Variants in HSD11B1L observed in about 807,000 individuals in gnomAD.
HSD11B1L encodes hydroxysteroid 11-beta dehydrogenase 1 like.
Under a neutral mutation model 27.0 loss-of-function variants are expected in HSD11B1L, and 22 were observed. That is an observed-to-expected ratio of 0.81 (90% confidence interval 0.58 to 1.16). The LOEUF is 1.16. HSD11B1L is among the 50% of genes most tolerant of loss of function. HSD11B1L has a pLI of 0.00. For missense variants in HSD11B1L, 372 were observed against 401.8 expected (o/e 0.93, Z 0.63); for synonymous variants, 187 against 189.2 (o/e 0.99, Z 0.09).
Position 5,686,413 on chromosome 19 carries a change from C to G in HSD11B1L, c.205-3C>G. 6.4e-7 allele frequency: 1 copy of G among 1,562,220 alleles called. No individual in the cohort carries two copies. Among genetic ancestry groups the G allele is most frequent in the East Asian group, 2.3e-5 (1 of 42,932 alleles). The stretch of plus-strand genomic sequence containing the variant: ...GCCCACGGGCAGCTCTGGCCCCCCC[C>G]AGGTGGTAGGGAACTGCCGGAAGCT... On this transcript the variant is annotated splice_polypyrimidine_tract_variant and splice_region_variant and intron_variant, in intron 3 of 7. Coordinates refer to ENST00000339423, the MANE Select transcript of HSD11B1L (RefSeq NM_198706.3).
At chr19:5,684,231 G>C (rs1480700634) in intron 1 of HSD11B1L, 1 of 340,202 alleles carries the variant, frequency 2.9e-6, no homozygotes, top group Admixed American at 4.8e-5. Context: ...GGCCAGGCTG[G>C]TCTCGAACTC....
At chr19:5,684,705 G>A (rs772161518) in intron 1 of HSD11B1L, 114 bp from the exon 2 acceptor site, 413 of 1,538,248 alleles carry the variant, frequency 2.7e-4, no homozygotes, top group Middle Eastern at 1.1e-3. Flanking sequence ...GGTGGCTGTG[G>A]AGGTGGATAG....
rs56023917 is a variant in HSD11B1L at position 5,685,746 on chromosome 19, G to GA, written c.204+638dup. On this transcript the variant is annotated intron_variant, in intron 3 of 7. Transcript: ENST00000339423. The surrounding 1 kb of genome is among the most constrained non-coding windows in gnomAD (Gnocchi z 4.3). ...GAGCGATACTCCATCTCAAAAAAAA[G>GA]AAAAAAAAAAATTAGGGCATGGTGG... Among the ~76,000 whole-genome samples the GA allele has an allele frequency of 8.3e-4, 118 of 141,498 alleles. No homozygotes were observed. The highest frequency in any genetic ancestry group is 5.4e-3 in the Admixed American group (77 of 14,276). The allele number at this position is 141,498 out of a possible 152,430, so 92.8% of individuals were successfully genotyped here. A position where few individuals can be genotyped will look rare whatever the true frequency, so the allele number is the denominator to read the frequency against.
Position 5,687,699 on chromosome 19 carries a change from G to T in HSD11B1L, c.668+31G>T. Reference sequence around the variant, plus strand: ...GCCCGGACAAGCTGGGGGCTGGGCTGGGGGCCATGGCCCAGCCCCAGCCGC... The same window carrying T: ...GCCCGGACAAGCTGGGGGCTGGGCTTGGGGCCATGGCCCAGCCCCAGCCGC... On this transcript the variant is annotated intron_variant, in intron 7 of 7. Transcript: ENST00000339423. The surrounding 1 kb of genome is among the most constrained non-coding windows in gnomAD (Gnocchi z 6.6). 1 of 1,531,420 alleles carries T rather than the reference G, an allele frequency of 6.5e-7. No homozygotes were observed. The highest frequency in any genetic ancestry group is 8.7e-7 in the Non-Finnish European group (1 of 1,147,606). 94.9% of individuals were successfully genotyped at this position (1,531,420 alleles called of 1,614,324 possible).
rs988133469 is a variant in HSD11B1L, at chr19:5,687,104, C to G, written c.408+113C>G. The G allele has an allele frequency of 2.6e-6, 3 of 1,139,932 alleles. No individual in the cohort carries two copies. Among genetic ancestry groups the G allele is most frequent in the Non-Finnish European group, 3.7e-6 (3 of 802,220 alleles). The allele number at this position is 1,139,932 out of a possible 1,614,324, so 70.6% of individuals were successfully genotyped here. Reference sequence around the variant, plus strand: ...CAGGGAGGGCTCTCCACCCGTCCCGCCCCAGCCACGCCCCTCCTAGCCCAA... The same window carrying G: ...CAGGGAGGGCTCTCCACCCGTCCCGGCCCAGCCACGCCCCTCCTAGCCCAA... On this transcript the variant is annotated intron_variant, in intron 5 of 7. Transcript: ENST00000339423. The surrounding 1 kb of genome is among the most constrained non-coding windows in gnomAD (Gnocchi z 6.6).
In HSD11B1L at chr19:5,685,151, G is replaced by A. The variant is rs1429812225; in HGVS notation, c.204+32G>A. On this transcript the variant is annotated intron_variant, in intron 3 of 7. Transcript: ENST00000339423. This position sits in a 1 kb window ranked among gnomAD's most constrained non-coding sequence, Gnocchi z 4.3. ...CACCCCATGTCTAGATGAATGGTGGGGGTGCTCATGGGGGGTGGGAAGAGA... is the reference window on the plus strand; with the variant it reads ...CACCCCATGTCTAGATGAATGGTGGAGGTGCTCATGGGGGGTGGGAAGAGA... 1.3e-6 allele frequency: 2 copies of A among 1,539,782 alleles called. No individual in the cohort carries two copies. Among genetic ancestry groups the A allele is most frequent in the Non-Finnish European group, 8.7e-7 (1 of 1,146,676 alleles).
chr19:5,686,450 A>G lies in HSD11B1L; in HGVS notation c.239A>G (p.Lys80Arg), dbSNP rs1346961542. The G allele has an allele frequency of 1.9e-6, 3 of 1,585,372 alleles. No individual in the cohort carries two copies. Among genetic ancestry groups the G allele is most frequent in the African/African-American group, 2.7e-5 (2 of 74,772 alleles). Residue 80 changes from lysine (K) to arginine (R), a missense_variant, in exon 4 of 8, where the codon AAG becomes AGG. By Grantham distance (26) the Lys-to-Arg change is conservative (BLOSUM62 2). Coordinates refer to ENST00000339423, the MANE Select transcript of HSD11B1L (RefSeq NM_198706.3). ...AACTGCCGGAAGCTGGGCGCCCCCA[A>G]GGTCTTCTACATCGCGGCGGACATG... is the stretch of plus-strand genomic sequence containing the variant. ...VGNCRKLGAPKVFYIAADMAS... is the reference protein window; with the variant it reads ...VGNCRKLGAPRVFYIAADMAS...
chr19:5,684,941 C>T lies in HSD11B1L; in HGVS notation c.73+36C>T, dbSNP rs535484799. The T allele has an allele frequency of 1.6e-5, 25 of 1,612,626 alleles. No homozygotes were observed. In the East Asian group the frequency reaches 4.9e-4, roughly 32 times the overall value. ...GGGGTTGAGGGAGGGAGAAACCGGG[C>T]CAGCTGTCCTGTCCTCCGCCCAGAG... is the stretch of plus-strand genomic sequence containing the variant. On this transcript the variant is annotated intron_variant, in intron 2 of 7. Transcript: ENST00000339423.
At chr19:5,684,595 C>T (rs541728402) in intron 1 of HSD11B1L, among the ~76,000 whole-genome samples, 1 of 151,398 alleles carries the variant, frequency 6.6e-6, no homozygotes, top group Admixed American at 6.6e-5. Context: ...GCAAGGTGTG[C>T]AGATGGAGAG....
rs1017587696 is a variant in HSD11B1L, at chr19:5,685,923, C to G, written c.205-493C>G. ...TGTCTCAAACAAACAAACAAAAAAACCCACCTTCTCATGGGTTAGGATGTT... is the reference window on the plus strand; with the variant it reads ...TGTCTCAAACAAACAAACAAAAAAAGCCACCTTCTCATGGGTTAGGATGTT... On this transcript the variant is annotated intron_variant, in intron 3 of 7. Transcript: ENST00000339423. The surrounding 1 kb of genome is among the most constrained non-coding windows in gnomAD (Gnocchi z 4.3). Among the ~76,000 whole-genome samples the G allele has an allele frequency of 6.6e-6, 1 of 152,038 alleles. No individual in the cohort carries two copies. Among genetic ancestry groups the G allele is most frequent in the Non-Finnish European group, 1.5e-5 (1 of 67,992 alleles).
At position 5,684,906 on chromosome 19, in the gene HSD11B1L, G is replaced by C; in HGVS notation, c.73+1G>C. ...TATTGGGATGACAACTTCGACCCAG[G>C]TGAGCACCTGGGGTTGAGGGAGGGA... On this transcript the variant is annotated splice_donor_variant, in intron 2 of 7. Transcript: ENST00000339423. LOFTEE classifies it high-confidence loss of function. The C allele has an allele frequency of 6.2e-7, 1 of 1,613,676 alleles. No individual in the cohort carries two copies. The highest frequency in any genetic ancestry group is 8.5e-7 in the Non-Finnish European group (1 of 1,179,908).
rs1272559674 is a variant in HSD11B1L, at chr19:5,687,263, T to G, written c.409-19T>G. The G allele has an allele frequency of 1.2e-6, 2 of 1,611,044 alleles. No homozygotes were observed. Among genetic ancestry groups the G allele is most frequent in the Admixed American group, 3.3e-5 (2 of 59,938 alleles). ...CCTGGGCTCCGCCTCTGCCGGTGAC[T>G]CGCGAGTGCCGCCTGCAGGTAAACT... On this transcript the variant is annotated intron_variant, in intron 5 of 7. Transcript: ENST00000339423. This position sits in a 1 kb window ranked among gnomAD's most constrained non-coding sequence, Gnocchi z 6.6.
chr19:5,688,217 G>C lies in HSD11B1L; in HGVS notation c.*272G>C. ...TTGATGACGTGACTGCTTCCATTTT[G>C]CAGATGAGGAAACTAAGGCTCAGAG... On this transcript the variant is annotated 3_prime_UTR_variant, in exon 8 of 8. Transcript: ENST00000339423. 6.5e-7 allele frequency: 1 copy of C among 1,538,082 alleles called. No individual in the cohort carries two copies. The highest frequency in any genetic ancestry group is 8.8e-7 in the Non-Finnish European group (1 of 1,141,538).
At chr19:5,686,832 C>A (rs2054705184) in intron 4 of HSD11B1L, 68 bp from the exon 5 acceptor site, 4 of 1,334,788 alleles carry the variant, frequency 3.0e-6, no homozygotes, top group Admixed American at 2.3e-5. Flanking sequence ...TGGAGCTAAG[C>A]TCGGGGGCGG....
intron 4 of HSD11B1L, 65 bp from the exon 5 acceptor site, chr19:5,686,834 CG>C: frequency 7.4e-7 from 1 of 1,343,454 alleles, no homozygotes; most frequent in South Asian, 1.4e-5. Context: ...GAGCTAAGCT[CG>C]GGGGCGGGGT....
Position 5,687,735 on chromosome 19 carries a change from G to A in HSD11B1L, c.669-18G>A. ...CCCAGCCCCAGCCGCAGTCCCCACC[G>A]TGCCCTCCTGTCCCCAGGGGAGTCA... On this transcript the variant is annotated intron_variant, in intron 7 of 7. Coordinates refer to ENST00000339423, the MANE Select transcript of HSD11B1L (RefSeq NM_198706.3). This position sits in a 1 kb window ranked among gnomAD's most constrained non-coding sequence, Gnocchi z 6.6. The A allele has an allele frequency of 4.0e-6, 6 of 1,493,752 alleles. 1 individual carries two copies. In the African/African-American group the frequency reaches 7.1e-5, roughly 18 times the overall value. The allele number at this position is 1,493,752 out of a possible 1,614,324, so 92.5% of individuals were successfully genotyped here.
Position 5,687,894 on chromosome 19 carries a change from G to A in HSD11B1L, c.810G>A (p.Pro270=), listed in dbSNP as rs775270839. Residue 270 remains proline (P), a synonymous_variant, in exon 8 of 8, where the codon CCG becomes CCA. Coordinates refer to ENST00000339423, the MANE Select transcript of HSD11B1L (RefSeq NM_198706.3). The surrounding 1 kb of genome is among the most constrained non-coding windows in gnomAD (Gnocchi z 6.6). The part of the protein sequence containing the change: ...LCLLRRWLPR[P]RAWFIRQELN... ...TGCTCCGGCGCTGGCTACCGCGCCC[G>A]CGGGCCTGGTTTATCCGCCAGGAGC... 1.3e-6 allele frequency: 2 copies of A among 1,578,862 alleles called. No homozygotes were observed. The highest frequency in any genetic ancestry group is 1.7e-6 in the Non-Finnish European group (2 of 1,162,768).
chr19:5,684,156 C>T, intron 1 of HSD11B1L: 3 of 402,454 alleles, frequency 7.5e-6, no homozygotes, highest in Non-Finnish European at 1.3e-5. Flanking sequence ...GCTGGGATTA[C>T]AGGCGCCTGC....
rs780084584 is a variant in HSD11B1L at position 5,687,903 on chromosome 19, G to A, written c.819G>A (p.Trp273Ter). ...LRRWLPRPRAWFIRQELNVTA... is the reference protein window; with the variant it reads ...LRRWLPRPRA ...GCTGGCTACCGCGCCCGCGGGCCTG[G>A]TTTATCCGCCAGGAGCTCAACGTCA... The change falls in exon 8 of 8, where the codon TGG (tryptophan) becomes TGA (stop). Residue 273 changes from tryptophan to a stop codon, truncating the protein, a stop_gained. Transcript: ENST00000339423. LOFTEE classifies it high-confidence loss of function. This position sits in a 1 kb window ranked among gnomAD's most constrained non-coding sequence, Gnocchi z 6.6. 1.3e-5 allele frequency: 20 copies of A among 1,575,258 alleles called. No homozygotes were observed. The highest frequency in any genetic ancestry group is 1.7e-5 in the Non-Finnish European group (20 of 1,160,456).
Sources: gnomAD v4.1 joint callset for allele counts (sites outside exome capture counted in the v4.1 genomes callset) on GRCh38, gnomAD v4.1.1 for gene constraint, Gnocchi (gnomAD v3.1) non-coding constraint, MANE v1.5 for transcripts, NCBI Gene and HGNC (gene_info 2026-07-23, HGNC 2026-07-21) for gene names.